ZNF385C: variants seen among roughly 807,000 people sequenced by gnomAD.
The protein encoded by ZNF385C is CTD-2132N18.2.
A neutral mutation model predicts 35.4 loss-of-function variants in ZNF385C; 28 were observed. That is an observed-to-expected ratio of 0.79 (90% CI 0.59 to 1.08). The LOEUF is 1.08. Among genes scored for constraint, ZNF385C ranks in the 50% least tolerant of loss-of-function variants. The probability of loss-of-function intolerance (pLI) is 0.00; values close to 1 mark genes in which losing one functional copy is unlikely to be tolerated. For missense variants in ZNF385C, 605 were observed against 595.6 expected (o/e 1.02, Z -0.16); for synonymous variants, 248 against 248.2 (o/e 1.00, Z 0.01).
intron 1 of ZNF385C, among the ~76,000 whole-genome samples, chr17:42,088,733 G>T (rs1178110741): frequency 1.3e-5 from 2 of 152,252 alleles, no homozygotes; most frequent in Non-Finnish European, 2.9e-5. Context: ...AATACCAGAA[G>T]CAGGGAGCTA....
Position 42,027,745 on chromosome 17 carries a change from CA to C in ZNF385C, c.1165-18del. 5 of 1,607,570 alleles carry C rather than the reference CA, an allele frequency of 3.1e-6. No individual in the cohort carries two copies. Among genetic ancestry groups the C allele is most frequent in the Admixed American group, 3.5e-5 (2 of 57,676 alleles). Reference sequence around the variant, plus strand: ...GCTCATGTGCTAATGGACAGACAGACAGACTGGGAACAAGATGACAAAGCCC... The same window carrying C: ...GCTCATGTGCTAATGGACAGACAGACGACTGGGAACAAGATGACAAAGCCC... On this transcript the variant is annotated intron_variant, in intron 7 of 8. Transcript: ENST00000692273.
intron 1 of ZNF385C, among the ~76,000 whole-genome samples, chr17:42,092,014 G>A (rs868921790): frequency 6.6e-6 from 1 of 152,196 alleles, no homozygotes; most frequent in South Asian, 2.1e-4. Context: ...GCTGTGAGGG[G>A]TGAGGAGACC....
intron 1 of ZNF385C, among the ~76,000 whole-genome samples, chr17:42,068,424 C>T (rs1446489412): frequency 2.6e-5 from 4 of 151,346 alleles, no homozygotes; most frequent in Non-Finnish European, 4.4e-5. Flanking sequence ...TCTCTTCGCC[C>T]CCCAGCTGCT....
chr17:42,055,446 A>G (rs2053358548), intron 2 of ZNF385C, among the ~76,000 whole-genome samples: 1 of 151,450 alleles, frequency 6.6e-6, no homozygotes, highest in African/African-American at 2.4e-5. Context: ...GGGGAGGGGG[A>G]TGTGATGACA....
chr17:42,083,705 G>GTATT (rs1360873738), intron 1 of ZNF385C, among the ~76,000 whole-genome samples: 2 of 58,308 alleles, frequency 3.4e-5, no homozygotes, highest in Non-Finnish European at 6.8e-5. Flanking sequence ...TGCTTTTCAA[G>GTATT]TCTTTTTTTT....
At chr17:42,070,124 C>G (rs1202743640) in intron 1 of ZNF385C, among the ~76,000 whole-genome samples, 1 of 152,080 alleles carries the variant, frequency 6.6e-6, no homozygotes, top group African/African-American at 2.4e-5. Context: ...GCGGGCGGAT[C>G]ATGAGGTCAG....
intron 1 of ZNF385C, among the ~76,000 whole-genome samples, chr17:42,074,673 G>A (rs554166457): frequency 2.2e-3 from 342 of 152,342 alleles, no homozygotes; most frequent in African/African-American, 7.9e-3. Flanking sequence ...ACAGGCGTGA[G>A]CCACCGCGCC....
intron 1 of ZNF385C, among the ~76,000 whole-genome samples, chr17:42,084,430 A>G (rs2053784070): frequency 6.6e-6 from 1 of 152,110 alleles, no homozygotes; most frequent in African/African-American, 2.4e-5. Flanking sequence ...CATCTTTGGC[A>G]GGTTTCTCCA....
chr17:42,092,549 G>C (rs782148663), intron 1 of ZNF385C, among the ~76,000 whole-genome samples: 2 of 152,168 alleles, frequency 1.3e-5, no homozygotes, highest in African/African-American at 4.8e-5. Context: ...ATTCTTACAG[G>C]GGCCCCGAGC....
At chr17:42,063,079 A>G (rs1555658148) in intron 1 of ZNF385C, 21 bp from the exon 2 acceptor site, 2 of 596,392 alleles carry the variant, frequency 3.4e-6, no homozygotes, top group Non-Finnish European at 6.0e-6. Flanking sequence ...AGAGAGGGAG[A>G]TGAATGAACG....
intron 1 of ZNF385C, among the ~76,000 whole-genome samples, chr17:42,079,382 CAAAAA>C (rs571676432): frequency 1.4e-5 from 1 of 74,060 alleles, no homozygotes; most frequent in Non-Finnish European, 2.7e-5. Flanking sequence ...GACTCTGTCT[CAAAAA>C]AAAAAAAAAA....
chr17:42,066,807 G>A (rs1052481562), intron 1 of ZNF385C, among the ~76,000 whole-genome samples: 1 of 152,096 alleles, frequency 6.6e-6, no homozygotes, highest in Non-Finnish European at 1.5e-5. Context: ...AGTGGCTCAC[G>A]CCTGTAATCC....
rs529996853 is a variant in ZNF385C at position 42,026,680 on chromosome 17, G to A, written c.*217C>T. 1.8e-5 allele frequency: 11 copies of A among 599,838 alleles called. No individual in the cohort carries two copies. Among genetic ancestry groups the A allele is most frequent in the African/African-American group, 1.7e-4 (9 of 53,776 alleles). The allele number at this position is 599,838 out of a possible 1,614,324, so 37.2% of individuals were successfully genotyped here. A position where few individuals can be genotyped will look rare whatever the true frequency, so the allele number is the denominator to read the frequency against. ...GGGGTCTGTCAGGGTGGGAAATGCAGGCAAGCCTAGGATTAACCCTGGAAG... is the reference window on the plus strand; with the variant it reads ...GGGGTCTGTCAGGGTGGGAAATGCAAGCAAGCCTAGGATTAACCCTGGAAG... On this transcript the variant is annotated 3_prime_UTR_variant, in exon 9 of 9. Transcript: ENST00000692273.
At chr17:42,097,218 A>G (rs782189245) in intron 1 of ZNF385C, among the ~76,000 whole-genome samples, 1 of 152,170 alleles carries the variant, frequency 6.6e-6, no homozygotes, top group African/African-American at 2.4e-5. Context: ...AAAGAGGTTA[A>G]GAAACTTGTT....
intron 2 of ZNF385C, chr17:42,062,084 C>T (rs1455820369): frequency 6.5e-6 from 1 of 152,918 alleles, no homozygotes; most frequent in African/African-American, 2.4e-5. Flanking sequence ...CCCCCAGGAG[C>T]CAGGGGTAAG....
intron 2 of ZNF385C, among the ~76,000 whole-genome samples, chr17:42,051,667 A>G (rs377498708): frequency 2.0e-5 from 3 of 152,146 alleles, no homozygotes; most frequent in Admixed American, 6.5e-5. Context: ...ACAATGACCC[A>G]GTCTCCCCTT....
In ZNF385C at chr17:42,034,307, CTGA is replaced by C; in HGVS notation, c.425_427del (p.Ile142del). 1 of 1,550,600 alleles carries C rather than the reference CTGA, an allele frequency of 6.4e-7. No homozygotes were observed. The highest frequency in any genetic ancestry group is 1.2e-5 in the South Asian group (1 of 84,060). On this transcript the variant is annotated inframe_deletion, in exon 4 of 9. Coordinates refer to ENST00000692273, the MANE Select transcript of ZNF385C (RefSeq NM_001392013.1). ...AGGGGAGGGGACACCAAACGTGTGG[CTGA>C]TGACAGCTTTCTGGACCGGGTCCAT... is the stretch of plus-strand genomic sequence containing the variant.
At chr17:42,029,492 G>T (rs2052678327) in intron 5 of ZNF385C, among the ~76,000 whole-genome samples, 1 of 152,236 alleles carries the variant, frequency 6.6e-6, no homozygotes, top group African/African-American at 2.4e-5. Flanking sequence ...GCCGAGGCAG[G>T]TGGATCACCT....
At chr17:42,070,356 A>C (rs1391745103) in intron 1 of ZNF385C, among the ~76,000 whole-genome samples, 1 of 152,186 alleles carries the variant, frequency 6.6e-6, no homozygotes. Flanking sequence ...AAAAGTAAAA[A>C]ATAAAATAAA....
Sources: gnomAD v4.1 joint callset for allele counts (sites outside exome capture counted in the v4.1 genomes callset) on GRCh38, gnomAD v4.1.1 for gene constraint, MANE v1.5 for transcripts, NCBI Gene and HGNC (gene_info 2026-07-23, HGNC 2026-07-21) for gene names.